Variants in PDE4C observed in about 807,000 individuals in gnomAD.
PDE4C encodes phosphodiesterase 4C.
Under a neutral mutation model 63.9 loss-of-function variants are expected in PDE4C, and 50 were observed. The ratio of observed to expected loss-of-function variants is 0.78; its 90% confidence interval spans 0.62 to 0.99. The LOEUF (loss-of-function observed/expected upper bound fraction) is 0.99. Among genes scored for constraint, PDE4C ranks in the 50% least tolerant of loss-of-function variants. The probability of loss-of-function intolerance (pLI) is 0.00; values close to 1 mark genes in which losing one functional copy is unlikely to be tolerated. For missense variants in PDE4C, 777 were observed against 899.1 expected, an observed-to-expected ratio of 0.86 and a Z score of 1.74; for synonymous variants, 377 against 385.1, an observed-to-expected ratio of 0.98 and a Z score of 0.25.
chr19:18,237,405 G>A (rs1028249425), upstream of PDE4C, among the ~76,000 whole-genome samples: 4 of 152,028 alleles, frequency 2.6e-5, no homozygotes, highest in East Asian at 5.8e-4. Flanking sequence ...TACAACATTA[G>A]CCAGGCGTGG....
intron 1 of PDE4C, among the ~76,000 whole-genome samples, chr19:18,240,299 G>C (rs1261611559): frequency 1.3e-5 from 2 of 151,590 alleles, no homozygotes; most frequent in Admixed American, 6.6e-5. Flanking sequence ...GGTGGTACAT[G>C]TGCCTGTAGT....
intron 14 of PDE4C, 125 bp from the exon 15 acceptor site, chr19:18,211,401 C>A: frequency 1.2e-6 from 1 of 806,738 alleles, no homozygotes; most frequent in Non-Finnish European, 1.9e-6. Context: ...AACAACTGCT[C>A]ATCCTTCAAA....
At chr19:18,216,694 C>T (rs372681746) in intron 12 of PDE4C, 47 bp downstream of exon 12, 4 of 1,518,944 alleles carry the variant, frequency 2.6e-6, no homozygotes, top group Non-Finnish European at 3.6e-6. Context: ...AGAAGGATGC[C>T]CCGCTCCCCT....
intron 1 of PDE4C, among the ~76,000 whole-genome samples, chr19:18,240,256 C>T (rs776906250): frequency 2.0e-5 from 3 of 151,540 alleles, no homozygotes; most frequent in Non-Finnish European, 2.9e-5. Context: ...GGCACCCCGT[C>T]GCTACAAAAC....
chr19:18,213,145 G>A (rs988349066), intron 13 of PDE4C, among the ~76,000 whole-genome samples: 2 of 151,330 alleles, frequency 1.3e-5, no homozygotes, highest in African/African-American at 4.8e-5. Flanking sequence ...TTAGCTGGGC[G>A]CGGTGCCGGG....
At chr19:18,255,235 T>C in the PDE4C span, 1 of 398,964 alleles carries the variant, frequency 2.5e-6, no homozygotes, top group Non-Finnish European at 4.4e-6. This position sits in a 1 kb window ranked among gnomAD's most constrained non-coding sequence, Gnocchi z 4.6. Context: ...AAGGGAGTAT[T>C]GTAATTCACA....
At chr19:18,229,690 C>G (rs1363836230), upstream of PDE4C, among the ~76,000 whole-genome samples, 2 of 151,990 alleles carry the variant, frequency 1.3e-5, no homozygotes, top group African/African-American at 2.4e-5. Flanking sequence ...TAAACTGAGA[C>G]GTGGAGAGGG....
rs554795959 is a variant in PDE4C at position 18,233,349 on chromosome 19, C to G, written c.-158G>C. On this transcript the variant is annotated 5_prime_UTR_variant, in exon 1 of 15. Transcript: ENST00000594465. ...GGTGCTGAAGCGGTAGAAGGTGGAA[C>G]TGGGGCTCAAGGTGGGGCCGACACC... 24 of 1,010,690 alleles carry G rather than the reference C, an allele frequency of 2.4e-5. No homozygotes were observed. In the Admixed American group the frequency reaches 2.8e-4, roughly 12 times the overall value. 62.6% of individuals were successfully genotyped at this position (1,010,690 alleles called of 1,614,324 possible). A position where few individuals can be genotyped will look rare whatever the true frequency, so the allele number is the denominator to read the frequency against.
upstream of PDE4C, among the ~76,000 whole-genome samples, chr19:18,230,480 G>A (rs1335944021): frequency 1.3e-5 from 2 of 152,138 alleles, no homozygotes; most frequent in African/African-American, 4.8e-5. Flanking sequence ...CCCGGCCTGG[G>A]CAACAGAGTG....
At chr19:18,229,452 G>T (rs573125514), upstream of PDE4C, among the ~76,000 whole-genome samples, 8 of 152,256 alleles carry the variant, frequency 5.3e-5, no homozygotes, top group African/African-American at 1.9e-4. Context: ...TGTTGGCCAG[G>T]CTGGTCTTGA....
chr19:18,211,370 C>T, intron 14 of PDE4C, 94 bp from the exon 15 acceptor site: 4 of 1,086,310 alleles, frequency 3.7e-6, no homozygotes, highest in Non-Finnish European at 5.2e-6. Flanking sequence ...GTTGTTCCCT[C>T]TGCCTGGAAT....
At chr19:18,244,423 G>A (rs558921611) in intron 1 of PDE4C, among the ~76,000 whole-genome samples, 1 of 151,456 alleles carries the variant, frequency 6.6e-6, no homozygotes, top group Non-Finnish European at 1.5e-5. Flanking sequence ...GCCTCCCAAA[G>A]TTCTGAGATT....
At position 18,218,917 on chromosome 19, in the gene PDE4C, GAAGCC is replaced by G; in HGVS notation, c.969+18_969+22del. 3 of 1,568,276 alleles carry G rather than the reference GAAGCC, an allele frequency of 1.9e-6. No homozygotes were observed. The highest frequency in any genetic ancestry group is 2.6e-6 in the Non-Finnish European group (3 of 1,137,864). On this transcript the variant is annotated intron_variant, in intron 9 of 14. Transcript: ENST00000262805. ...GGGAAACCCCAGGAGTTTTTCCTTG[GAAGCC>G]AAGGGCAGGGTAGGTACCTGAAAAA...
chr19:18,244,023 CT>C (rs906446721), intron 1 of PDE4C, among the ~76,000 whole-genome samples: 8 of 150,942 alleles, frequency 5.3e-5, no homozygotes, highest in East Asian at 2.0e-4. Context: ...CCAGGCTAAT[CT>C]TTTTTTTTAT....
intron 1 of PDE4C, among the ~76,000 whole-genome samples, chr19:18,239,113 A>G (rs543005665): frequency 2.8e-4 from 42 of 152,318 alleles, no homozygotes; most frequent in Non-Finnish European, 5.4e-4. Flanking sequence ...CCAATAGTAC[A>G]TGGATGGGCT....
chr19:18,232,374 C>CTT (rs887890173), intron 1 of PDE4C, among the ~76,000 whole-genome samples: 1 of 149,846 alleles, frequency 6.7e-6, no homozygotes, highest in African/African-American at 2.4e-5. Context: ...AAAATAAAAA[C>CTT]GTGTGTGTGT....
upstream of PDE4C, among the ~76,000 whole-genome samples, chr19:18,251,889 C>T (rs1025163432): frequency 6.6e-6 from 1 of 151,980 alleles, no homozygotes; most frequent in Non-Finnish European, 1.5e-5. Flanking sequence ...CCGTGACATA[C>T]ACTAGGCACT....
At chr19:18,248,486 T>C (rs75885285), upstream of PDE4C, among the ~76,000 whole-genome samples, 3,145 of 147,740 alleles carry the variant, frequency 0.021, 129 homozygotes, top group African/African-American at 0.075. Flanking sequence ...GGCGTAGGAG[T>C]GAGGAGGCTG....
exon 15 of PDE4C, chr19:18,210,789 TAACTAAG>T: frequency 7.1e-7 from 1 of 1,413,970 alleles, no homozygotes; most frequent in Non-Finnish European, 9.3e-7. Flanking sequence ...GAGCCACCTA[TAACTAAG>T]AGCTTGATTG....
Sources: allele counts gnomAD v4.1 joint callset (sites outside exome capture counted in the v4.1 genomes callset), GRCh38; gene constraint gnomAD v4.1.1; non-coding constraint Gnocchi (gnomAD v3.1); transcripts MANE v1.5; gene names NCBI Gene and HGNC (gene_info 2026-07-23, HGNC 2026-07-21).